SORCS2: variants seen among roughly 807,000 people sequenced by gnomAD.
SORCS2 encodes the protein VPS10 domain-containing receptor SorCS2.
A neutral mutation model predicts 141.6 loss-of-function variants in SORCS2; 100 were observed. That is an observed-to-expected ratio of 0.71 (90% CI 0.60 to 0.83). The LOEUF (loss-of-function observed/expected upper bound fraction) is 0.83. Among genes scored for constraint, SORCS2 ranks in the 40% least tolerant of loss-of-function variants. SORCS2 has a pLI of 0.00. For missense variants in SORCS2, 1,646 were observed against 1,560.2 expected (o/e 1.05, Z -0.93); for synonymous variants, 789 against 676.9 (o/e 1.17, Z -2.57).
At position 7,434,490 on chromosome 4, in the gene SORCS2, C is replaced by T. The variant is rs749202917; in HGVS notation, c.548+38135C>T. The T allele has an allele frequency of 1.8e-5, 29 of 1,611,874 alleles. No individual in the cohort carries two copies. In the East Asian group the frequency reaches 2.5e-4, roughly 14 times the overall value. On this transcript the variant is annotated intron_variant, in intron 2 of 26. Coordinates refer to ENST00000507866, the MANE Select transcript of SORCS2 (RefSeq NM_020777.3). ...GGCTGAGCGCTGTGCACACCTGTGCCGGGGCACTGTCCGGGGCCCCACGGA... is the reference window on the plus strand; with the variant it reads ...GGCTGAGCGCTGTGCACACCTGTGCTGGGGCACTGTCCGGGGCCCCACGGA...
chr4:7,414,706 G>A (rs1725547717), intron 2 of SORCS2, among the ~76,000 whole-genome samples: 1 of 152,140 alleles, frequency 6.6e-6, no homozygotes, highest in Non-Finnish European at 1.5e-5. Context: ...AAGACAAATG[G>A]TTACAAGAAG....
intron 2 of SORCS2, among the ~76,000 whole-genome samples, chr4:7,505,993 C>G (rs991204131): frequency 1.3e-5 from 2 of 152,168 alleles, no homozygotes; most frequent in African/African-American, 4.8e-5. Context: ...TTGTGAGGAG[C>G]CCTGGCAGGG....
At chr4:7,557,644 A>G (rs1385133347) in intron 3 of SORCS2, among the ~76,000 whole-genome samples, 1 of 152,212 alleles carries the variant, frequency 6.6e-6, no homozygotes, top group African/African-American at 2.4e-5. Context: ...TTCCATCTCC[A>G]GTGCCTTTAA....
intron 1 of SORCS2, among the ~76,000 whole-genome samples, chr4:7,293,326 T>C (rs933680395): frequency 4.1e-5 from 6 of 147,600 alleles, no homozygotes; most frequent in Non-Finnish European, 8.9e-5. Flanking sequence ...AAAGAAATGG[T>C]GCTTGAGATG....
At position 7,338,206 on chromosome 4, in the gene SORCS2, TTGGA is replaced by T. The variant is rs1304701902; in HGVS notation, c.481-58063_481-58060del. 8.3e-4 allele frequency among the ~76,000 whole-genome samples: 102 copies of T among 123,234 alleles called. 1 individual carries two copies. Among genetic ancestry groups the T allele is most frequent in the African/African-American group, 2.7e-3 (84 of 31,102 alleles). 80.8% of individuals were successfully genotyped at this position (123,234 alleles called of 152,430 possible). On this transcript the variant is annotated intron_variant, in intron 1 of 26. Coordinates refer to ENST00000507866, the MANE Select transcript of SORCS2 (RefSeq NM_020777.3). ...ATGTTGGATGTTGGATGGATGTTGG[TTGGA>T]TGGATGGATGGATGGATGTCGGATG...
intron 25 of SORCS2, among the ~76,000 whole-genome samples, chr4:7,734,918 G>T (rs953013352): frequency 2.6e-5 from 4 of 152,224 alleles, no homozygotes; most frequent in African/African-American, 9.6e-5. Context: ...CTTGTGCCGA[G>T]GCTGGGGTGA....
At chr4:7,417,452 G>A (rs947328070) in intron 2 of SORCS2, among the ~76,000 whole-genome samples, 4 of 152,188 alleles carry the variant, frequency 2.6e-5, no homozygotes, top group Non-Finnish European at 5.9e-5. Flanking sequence ...GGTAGCTTGG[G>A]GGTAGAAGCT....
At chr4:7,206,197 C>T (rs372335804) in intron 1 of SORCS2, among the ~76,000 whole-genome samples, 1 of 152,186 alleles carries the variant, frequency 6.6e-6, no homozygotes, top group Admixed American at 6.5e-5. Flanking sequence ...CCCCAGTGTC[C>T]GCGTCTTCCC....
intron 1 of SORCS2, among the ~76,000 whole-genome samples, chr4:7,238,379 T>C (rs4689099): frequency 0.3 from 45,569 of 151,944 alleles, 7,248 homozygotes; most frequent in East Asian, 0.48. Flanking sequence ...CTGAGGCTGT[T>C]GTTAAATTTT....
At chr4:7,266,729 GC>G (rs1165037266) in intron 1 of SORCS2, among the ~76,000 whole-genome samples, 1 of 152,190 alleles carries the variant, frequency 6.6e-6, no homozygotes, top group African/African-American at 2.4e-5. Flanking sequence ...TGATTGCCCA[GC>G]ATCTATGGGA....
chr4:7,653,024 G>C (rs1253413766), intron 4 of SORCS2, among the ~76,000 whole-genome samples: 1 of 151,564 alleles, frequency 6.6e-6, no homozygotes, highest in Non-Finnish European at 1.5e-5. Flanking sequence ...CCTCAAGACA[G>C]TGCTCTGGGC....
At chr4:7,280,695 C>T (rs1056056350) in intron 1 of SORCS2, among the ~76,000 whole-genome samples, 9 of 152,172 alleles carry the variant, frequency 5.9e-5, no homozygotes, top group Non-Finnish European at 1.0e-4. Context: ...CTTTTTGCTC[C>T]GCATCCTCGC....
intron 1 of SORCS2, among the ~76,000 whole-genome samples, chr4:7,331,439 G>A (rs1719649225): frequency 6.6e-6 from 1 of 152,134 alleles, no homozygotes; most frequent in South Asian, 2.1e-4. Context: ...ATGAAGCTGG[G>A]AGTGACAGTA....
chr4:7,429,857 A>T (rs2109219622), intron 2 of SORCS2, among the ~76,000 whole-genome samples: 1 of 152,280 alleles, frequency 6.6e-6, no homozygotes, highest in Non-Finnish European at 1.5e-5. Flanking sequence ...CTCTGGTTTC[A>T]GCATCCACCT....
rs113647347 is a variant in SORCS2 at position 7,477,775 on chromosome 4, C to T, written c.549-53755C>T. Among the ~76,000 whole-genome samples the T allele has an allele frequency of 2.4e-3, 373 of 152,292 alleles. 2 individuals are homozygous for T. The highest frequency in any genetic ancestry group is 8.6e-3 in the African/African-American group (358 of 41,554). ...TGTGTGTAGGAACATGAAGATCCAT[C>T]CCAGAATTCTGTCTCCAAATGAGTG... On this transcript the variant is annotated intron_variant, in intron 2 of 26. Transcript: ENST00000507866.
intron 2 of SORCS2, among the ~76,000 whole-genome samples, chr4:7,486,988 C>T (rs942445888): frequency 6.6e-6 from 1 of 152,252 alleles, no homozygotes; most frequent in Non-Finnish European, 1.5e-5. Context: ...ATTCAACCCT[C>T]TACCGACCTC....
At chr4:7,479,661 G>A (rs979040431) in intron 2 of SORCS2, among the ~76,000 whole-genome samples, 1 of 151,094 alleles carries the variant, frequency 6.6e-6, no homozygotes, top group African/African-American at 2.5e-5. Flanking sequence ...GGCAATGTTT[G>A]CATCGGGGGG....
intron 1 of SORCS2, among the ~76,000 whole-genome samples, chr4:7,373,472 ATATATATTTTTTTTTT>A (rs1560228385): frequency 5.2e-5 from 3 of 57,698 alleles, no homozygotes; most frequent in Non-Finnish European, 8.1e-5. Flanking sequence ...ATATATATAT[ATATATATTTTTTTTTT>A]TTTTTTTTTT....
chr4:7,540,197 TGCCCCTCC>T (rs1712508353), intron 3 of SORCS2, among the ~76,000 whole-genome samples: 1 of 86,730 alleles, frequency 1.2e-5, no homozygotes, highest in Admixed American at 1.3e-4. Context: ...TGCCCCTCCC[TGCCCCTCC>T]CTGCCCCTGC....
Sources: gnomAD v4.1 joint callset for allele counts (sites outside exome capture counted in the v4.1 genomes callset) on GRCh38, gnomAD v4.1.1 for gene constraint, MANE v1.5 for transcripts, NCBI Gene and HGNC (gene_info 2026-07-23, HGNC 2026-07-21) for gene names.